Variants in SGCD observed in about 807,000 individuals in gnomAD.
SGCD encodes the protein sarcoglycan delta.
A neutral mutation model predicts 36.6 loss-of-function variants in SGCD; 18 were observed. The observed-to-expected ratio is 0.49, with a 90% confidence interval of 0.34 to 0.73. SGCD has a LOEUF of 0.73. SGCD is among the 30% of genes least tolerant of loss of function. The probability of loss-of-function intolerance (pLI) is 0.01; values close to 1 mark genes in which losing one functional copy is unlikely to be tolerated. For missense variants in SGCD, 387 were observed against 346.7 expected (o/e 1.12, Z -0.92); for synonymous variants, 133 against 130.6 (o/e 1.02, Z -0.12).
At chr5:156,199,341 A>T (rs1257275651) in intron 3 of SGCD, among the ~76,000 whole-genome samples, 3 of 152,162 alleles carry the variant, frequency 2.0e-5, no homozygotes, top group Non-Finnish European at 2.9e-5. Context: ...GGCATCTGAC[A>T]ATTTTCAACT....
At chr5:155,940,815 A>G (rs959116834) in intron 1 of SGCD, among the ~76,000 whole-genome samples, 1 of 152,126 alleles carries the variant, frequency 6.6e-6, no homozygotes, top group Non-Finnish European at 1.5e-5. Context: ...ACTGCACTCC[A>G]GCCTGGGTGA....
intron 7 of SGCD, among the ~76,000 whole-genome samples, chr5:156,743,304 G>A (rs776501817): frequency 1.3e-5 from 2 of 152,026 alleles, no homozygotes; most frequent in Non-Finnish European, 2.9e-5. Context: ...TAGAGACAGG[G>A]TTTCACCATG....
At chr5:156,470,962 CCTT>C (rs1052917823) in intron 3 of SGCD, among the ~76,000 whole-genome samples, 2 of 151,922 alleles carry the variant, frequency 1.3e-5, no homozygotes, top group African/African-American at 4.8e-5. Context: ...AATCCCTAAG[CCTT>C]CTTTTTTTTT....
intron 3 of SGCD, among the ~76,000 whole-genome samples, chr5:156,152,544 A>T (rs779214591): frequency 5.7e-4 from 86 of 151,728 alleles, no homozygotes; most frequent in Non-Finnish European, 1.1e-3. Flanking sequence ...TATAAAAAAT[A>T]TAGGATATCT....
At chr5:156,678,066 G>C (rs1014392349) in intron 7 of SGCD, among the ~76,000 whole-genome samples, 1 of 152,046 alleles carries the variant, frequency 6.6e-6, no homozygotes. Flanking sequence ...CTGATTCCTG[G>C]TCCACATCCC....
intron 4 of SGCD, among the ~76,000 whole-genome samples, chr5:156,536,017 G>A (rs937111989): frequency 6.6e-6 from 1 of 152,098 alleles, no homozygotes; most frequent in Non-Finnish European, 1.5e-5. Context: ...AAGTAATTTA[G>A]GGATCATTGG....
intron 1 of SGCD, among the ~76,000 whole-genome samples, chr5:156,112,045 G>T (rs748898549): frequency 1.3e-5 from 2 of 152,140 alleles, no homozygotes; most frequent in Non-Finnish European, 2.9e-5. Flanking sequence ...CTCTCAAAGT[G>T]CTGGGATTAC....
At chr5:156,745,864 C>G (rs1756917698) in intron 7 of SGCD, among the ~76,000 whole-genome samples, 1 of 151,352 alleles carries the variant, frequency 6.6e-6, no homozygotes. Context: ...ACCTCAAAAG[C>G]AGAGAGACAG....
Position 156,492,699 on chromosome 5 carries a change from C to T in SGCD, c.193-15902C>T, listed in dbSNP as rs892573680. Among the ~76,000 whole-genome samples the T allele has an allele frequency of 1.5e-4, 23 of 152,008 alleles. 1 individual carries two copies. The East Asian group carries it at 1.5e-3, about 10-fold the overall frequency. ...CATCTACATTAGGTATTTCTCCTAA[C>T]GCTATATCTATCCTAGCCCCCACCA... On this transcript the variant is annotated intron_variant, in intron 3 of 8. Transcript: ENST00000337851.
At chr5:156,611,164 C>T (rs1352802000) in intron 6 of SGCD, among the ~76,000 whole-genome samples, 1 of 152,218 alleles carries the variant, frequency 6.6e-6, no homozygotes, top group Admixed American at 6.5e-5. Flanking sequence ...GGAGCTGTTC[C>T]TATTCAGCCA....
chr5:156,536,101 G>A (rs1429234774), intron 4 of SGCD, among the ~76,000 whole-genome samples: 1 of 152,046 alleles, frequency 6.6e-6, no homozygotes, highest in African/African-American at 2.4e-5. Context: ...ATTTGTCAGG[G>A]TACTAGCCAT....
intron 7 of SGCD, among the ~76,000 whole-genome samples, chr5:156,709,806 C>G (rs1754903904): frequency 6.6e-6 from 1 of 150,872 alleles, no homozygotes; most frequent in Non-Finnish European, 1.5e-5. Flanking sequence ...GTTGAAACTT[C>G]TTGGTACTTA....
intron 1 of SGCD, among the ~76,000 whole-genome samples, chr5:155,896,510 ATG>A (rs1411215478): frequency 6.7e-6 from 1 of 150,258 alleles, no homozygotes; most frequent in African/African-American, 2.4e-5. Flanking sequence ...GGCAGCCACG[ATG>A]ATGTGCGCTT....
intron 3 of SGCD, among the ~76,000 whole-genome samples, chr5:156,408,341 G>A (rs113326822): frequency 5.1e-4 from 78 of 151,586 alleles, no homozygotes; most frequent in African/African-American, 1.7e-3. Context: ...GGGCTCCTGT[G>A]GAGGAACCCA....
chr5:156,585,247 A>G (rs1052093473), intron 4 of SGCD, among the ~76,000 whole-genome samples: 9 of 152,184 alleles, frequency 5.9e-5, no homozygotes, highest in Admixed American at 5.2e-4. Context: ...ACCCAAGCAT[A>G]TTTATAAAAA....
the SGCD span, among the ~76,000 whole-genome samples, chr5:155,853,301 C>A: frequency 6.6e-6 from 1 of 151,846 alleles, no homozygotes; most frequent in Non-Finnish European, 1.5e-5. Flanking sequence ...GCTCTTTAGT[C>A]TTGGTACAAC....
At chr5:156,341,505 G>T (rs1768651103) in intron 2 of SGCD, among the ~76,000 whole-genome samples, 1 of 151,992 alleles carries the variant, frequency 6.6e-6, no homozygotes, top group Admixed American at 6.6e-5. Flanking sequence ...TCTGAAAATG[G>T]AGCTCAAAAT....
At chr5:156,684,874 A>C (rs1486889582) in intron 7 of SGCD, among the ~76,000 whole-genome samples, 2 of 152,210 alleles carry the variant, frequency 1.3e-5, no homozygotes, top group Non-Finnish European at 2.9e-5. Context: ...TTTTCTTTGA[A>C]GTAGCAGAAA....
the SGCD span, among the ~76,000 whole-genome samples, chr5:155,803,235 A>T: frequency 6.6e-5 from 10 of 152,228 alleles, no homozygotes; most frequent in Middle Eastern, 3.2e-3. Flanking sequence ...AATTCATTAC[A>T]TGGGCAATGG....
Sources: allele counts gnomAD v4.1 joint callset (sites outside exome capture counted in the v4.1 genomes callset), GRCh38; gene constraint gnomAD v4.1.1; transcripts MANE v1.5; gene names NCBI Gene and HGNC (gene_info 2026-07-23, HGNC 2026-07-21).